The following ZFAND3 variants were observed in gnomAD, a reference collection of about 807,000 sequenced individuals.
ZFAND3 encodes the protein AN1-type zinc finger protein 3.
In ZFAND3, 10 loss-of-function variants were observed where a neutral mutation model predicts 29.6. The ratio of observed to expected loss-of-function variants is 0.34; its 90% CI spans 0.21 to 0.57. ZFAND3 has a LOEUF of 0.57. Among genes scored for constraint, ZFAND3 ranks in the 20% least tolerant of loss-of-function variants. The probability of loss-of-function intolerance (pLI) is 0.86; values close to 1 mark genes in which losing one functional copy is unlikely to be tolerated. For synonymous variants in ZFAND3, 128 were observed against 112.6 expected (o/e 1.14, Z -0.87); for missense variants, 230 against 304.5 (o/e 0.76, Z 1.82).
chr6:37,847,675 A>G (rs1764207282), intron 1 of ZFAND3, among the ~76,000 whole-genome samples: 1 of 152,176 alleles, frequency 6.6e-6, no homozygotes, highest in African/African-American at 2.4e-5. Context: ...TTCTAGATAC[A>G]TAGGAAAGAA....
rs1554122357 is a variant in ZFAND3 at position 38,154,375 on chromosome 6, G to GA, written c.*1986_*1987insA. On this transcript the variant is annotated 3_prime_UTR_variant, in exon 6 of 6. Transcript: ENST00000287218. ...ATGTTCGCTTCCTGACTTAGAGCTG[G>GA]GGGGGGTGGGGGGTGGGGCTTGTTC... The GA allele has an allele frequency of 6.0e-6, 5 of 833,150 alleles. No homozygotes were observed. In the South Asian group the frequency reaches 2.7e-4, roughly 45 times the overall value. The allele number at this position is 833,150 out of a possible 1,614,324, so 51.6% of individuals were successfully genotyped here.
intron 3 of ZFAND3, among the ~76,000 whole-genome samples, chr6:38,079,734 TA>T (rs1285471241): frequency 6.6e-6 from 1 of 152,126 alleles, no homozygotes; most frequent in Admixed American, 6.5e-5. Context: ...GATACCGAGT[TA>T]GGGGTAATCA....
chr6:37,856,792 A>G (rs1166781900), intron 1 of ZFAND3, among the ~76,000 whole-genome samples: 2 of 152,216 alleles, frequency 1.3e-5, no homozygotes, highest in South Asian at 2.1e-4. Context: ...AACAAAATGC[A>G]TGGTTATAAT....
At chr6:38,017,748 G>A (rs973697716) in intron 2 of ZFAND3, among the ~76,000 whole-genome samples, 8 of 151,366 alleles carry the variant, frequency 5.3e-5, no homozygotes, top group African/African-American at 1.9e-4. Flanking sequence ...TCAGTCTTCC[G>A]GGAAACTCCC....
intron 1 of ZFAND3, among the ~76,000 whole-genome samples, chr6:37,824,414 T>C (rs1343028244): frequency 1.3e-5 from 2 of 152,184 alleles, no homozygotes; most frequent in Admixed American, 6.5e-5. Context: ...ACAGAAAAGA[T>C]AGGAAGAAAA....
intron 4 of ZFAND3, among the ~76,000 whole-genome samples, chr6:38,103,997 T>C (rs779120587): frequency 1.3e-5 from 2 of 152,196 alleles, no homozygotes; most frequent in African/African-American, 4.8e-5. Flanking sequence ...CTGAAAACTT[T>C]ATGAGAAAAA....
At chr6:38,119,957 G>C (rs1765497266) in intron 5 of ZFAND3, among the ~76,000 whole-genome samples, 1 of 152,166 alleles carries the variant, frequency 6.6e-6, no homozygotes, top group South Asian at 2.1e-4. Context: ...CCTGTGACTA[G>C]ATAACCTTTA....
At chr6:37,984,372 T>C (rs1181410188) in intron 2 of ZFAND3, among the ~76,000 whole-genome samples, 1 of 152,220 alleles carries the variant, frequency 6.6e-6, no homozygotes, top group Non-Finnish European at 1.5e-5. Flanking sequence ...GGTTTCCCGT[T>C]GTACATATGA....
chr6:37,984,487 A>G (rs1469522957), intron 2 of ZFAND3, among the ~76,000 whole-genome samples: 1 of 152,192 alleles, frequency 6.6e-6, no homozygotes, highest in East Asian at 1.9e-4. Flanking sequence ...AAAGCAAACT[A>G]AAAATTTGAA....
intron 5 of ZFAND3, among the ~76,000 whole-genome samples, chr6:38,142,652 C>T (rs1253058399): frequency 1.3e-5 from 2 of 152,170 alleles, no homozygotes; most frequent in East Asian, 1.9e-4. Flanking sequence ...ACAGAAGTTT[C>T]GTACCAGCAC....
intron 2 of ZFAND3, among the ~76,000 whole-genome samples, chr6:37,953,135 G>A (rs2127421590): frequency 6.6e-6 from 1 of 151,752 alleles, no homozygotes; most frequent in African/African-American, 2.4e-5. Flanking sequence ...GTGGTTATTG[G>A]TATAATGAAG....
intron 1 of ZFAND3, among the ~76,000 whole-genome samples, chr6:37,917,832 T>G (rs1761287757): frequency 1.3e-5 from 2 of 152,172 alleles, no homozygotes; most frequent in African/African-American, 2.4e-5. Flanking sequence ...GAGAATGGCC[T>G]AGTAGATTGA....
chr6:37,958,453 C>CAAA (rs11356169), intron 2 of ZFAND3, among the ~76,000 whole-genome samples: 1 of 114,740 alleles, frequency 8.7e-6, no homozygotes. Flanking sequence ...GACTCGGTCT[C>CAAA]AAAAAAAAAA....
At chr6:37,894,119 G>A (rs1436058943) in intron 1 of ZFAND3, among the ~76,000 whole-genome samples, 1 of 151,988 alleles carries the variant, frequency 6.6e-6, no homozygotes. Flanking sequence ...GCTGGGCGTG[G>A]TGGCTGGTGC....
At chr6:38,144,227 ATATATTTT>A (rs1562016199) in intron 5 of ZFAND3, among the ~76,000 whole-genome samples, 56 of 80,110 alleles carry the variant, frequency 7.0e-4, no homozygotes, top group Non-Finnish European at 1.1e-3. Flanking sequence ...TAATATATAT[ATATATTTT>A]TTTTTTAATA....
chr6:37,819,880 A>C lies in ZFAND3; in HGVS notation c.-66A>C. 9.4e-7 allele frequency: 1 copy of C among 1,066,666 alleles called. No homozygotes were observed. Among genetic ancestry groups the C allele is most frequent in the Non-Finnish European group, 1.2e-6 (1 of 860,534 alleles). The allele number at this position is 1,066,666 out of a possible 1,614,324, so 66.1% of individuals were successfully genotyped here. ...CCGACGCCGCCGCCACCGCCTCCTC[A>C]GAGCGGGGCCCGGGCCCAGCCGCCG... On this transcript the variant is annotated 5_prime_UTR_variant, in exon 1 of 6. Transcript: ENST00000287218.
At chr6:37,944,888 C>T (rs2055206) in intron 2 of ZFAND3, among the ~76,000 whole-genome samples, 63,182 of 151,928 alleles carry the variant, frequency 0.42, 13,705 homozygotes, top group Non-Finnish European at 0.48. Flanking sequence ...AGTACATGCT[C>T]AAGAAAGGGG....
chr6:38,066,415 A>G (rs1764347067), intron 3 of ZFAND3, among the ~76,000 whole-genome samples: 1 of 152,220 alleles, frequency 6.6e-6, no homozygotes, highest in South Asian at 2.1e-4. Context: ...AGTATCCTCA[A>G]GGGACCAGAA....
In ZFAND3 at chr6:38,106,499, G is replaced by A. The variant is rs140768479; in HGVS notation, c.362-10073G>A. Among the ~76,000 whole-genome samples, 355 of 152,306 alleles carry A rather than the reference G, an allele frequency of 2.3e-3. 2 individuals are homozygous for A. In the East Asian group the frequency reaches 0.029, roughly 12 times the overall value. ...GCCTATGAGAAAAGAATGTGGGGAT[G>A]ACAGGTATGAGCTAAAAATCATCTG... On this transcript the variant is annotated intron_variant, in intron 4 of 5. Transcript: ENST00000287218.
Sources: gnomAD v4.1 joint callset for allele counts (sites outside exome capture counted in the v4.1 genomes callset) on GRCh38, gnomAD v4.1.1 for gene constraint, MANE v1.5 for transcripts, NCBI Gene and HGNC (gene_info 2026-07-23, HGNC 2026-07-21) for gene names.